The following CADM2 variants were observed in gnomAD, a reference collection of about 807,000 sequenced individuals.
CADM2 encodes the protein immunoglobulin superfamily member 4D.
Under a neutral mutation model 49.8 loss-of-function variants are expected in CADM2, and 12 were observed. That is an observed-to-expected ratio of 0.24 (90% CI 0.15 to 0.39). The LOEUF is 0.39. CADM2 is among the 10% of genes least tolerant of loss of function. The pLI is 1.00. For missense variants in CADM2, 378 were observed against 492.3 expected, an observed-to-expected ratio of 0.77 and a Z score of 2.20; for synonymous variants, 214 against 175.4, an observed-to-expected ratio of 1.22 and a Z score of -1.74.
intron 1 of CADM2, among the ~76,000 whole-genome samples, chr3:85,288,110 A>T (rs779626584): frequency 4.5e-5 from 6 of 133,642 alleles, no homozygotes; most frequent in South Asian, 4.2e-4. Context: ...TAATAAAATT[A>T]AAAAAAAATC....
chr3:86,015,005 T>A, intron 8 of CADM2: 1 of 1,007,670 alleles, frequency 9.9e-7, no homozygotes, highest in Non-Finnish European at 1.6e-6. Flanking sequence ...TGGCTTTGCT[T>A]AACATAAATT....
At chr3:85,402,718 C>G (rs1371192028) in intron 1 of CADM2, among the ~76,000 whole-genome samples, 1 of 152,154 alleles carries the variant, frequency 6.6e-6, no homozygotes, top group Non-Finnish European at 1.5e-5. Flanking sequence ...AATGCACAGT[C>G]TTTGAAGTAA....
In CADM2 at chr3:85,511,938, A is replaced by G. The variant is rs543257477; in HGVS notation, c.62-214584A>G. 7.2e-6 allele frequency: 6 copies of G among 830,886 alleles called. No homozygotes were observed. In the Admixed American group the frequency reaches 2.5e-4, roughly 34 times the overall value. The allele number at this position is 830,886 out of a possible 1,614,324, so 51.5% of individuals were successfully genotyped here. On this transcript the variant is annotated intron_variant, in intron 1 of 9. Transcript: ENST00000383699. ...AGTGGTGAAATTATATCTTATAGCAATGTTCAATATATAAATATATATGTG... is the reference window on the plus strand; with the variant it reads ...AGTGGTGAAATTATATCTTATAGCAGTGTTCAATATATAAATATATATGTG...
intron 9 of CADM2, 122 bp downstream of exon 9, chr3:86,065,852 A>T: frequency 1.1e-6 from 1 of 908,766 alleles, no homozygotes; most frequent in Non-Finnish European, 1.5e-6. Context: ...GATAGAGAGA[A>T]ATGCTAAATT....
intron 5 of CADM2, among the ~76,000 whole-genome samples, chr3:85,886,543 A>G (rs896423515): frequency 6.6e-6 from 1 of 152,114 alleles, no homozygotes; most frequent in African/African-American, 2.4e-5. Context: ...CTTCCGTAAA[A>G]TAGGTTTAAA....
chr3:85,172,880 G>A (rs1468414554), intron 1 of CADM2, among the ~76,000 whole-genome samples: 2 of 144,118 alleles, frequency 1.4e-5, no homozygotes, highest in African/African-American at 2.5e-5. Context: ...TATATATTAT[G>A]TATAATATAT....
At position 85,975,453 on chromosome 3, in the gene CADM2, A is replaced by G. The variant is rs573136867; in HGVS notation, c.970+13806A>G. ...CTTCATTGAAATTTATCTTGTTTGG[A>G]TTTAAATTGAGTCTAAATAATTTAT... is the stretch of plus-strand genomic sequence containing the variant. On this transcript the variant is annotated intron_variant, in intron 8 of 9. Coordinates refer to ENST00000383699, the MANE Select transcript of CADM2 (RefSeq NM_001167675.2). 5.9e-5 allele frequency among the ~76,000 whole-genome samples: 9 copies of G among 151,462 alleles called. No individual in the cohort carries two copies. In the South Asian group the frequency reaches 1.9e-3, roughly 31 times the overall value.
intron 3 of CADM2, among the ~76,000 whole-genome samples, chr3:85,868,654 A>G (rs1188671980): frequency 1.3e-5 from 2 of 152,184 alleles, no homozygotes; most frequent in Non-Finnish European, 2.9e-5. Context: ...TAATGAAAAC[A>G]CAAGTGACTT....
chr3:85,249,532 A>G (rs2042727285), intron 1 of CADM2, among the ~76,000 whole-genome samples: 1 of 152,036 alleles, frequency 6.6e-6, no homozygotes. Context: ...GGTTGAATTA[A>G]TGTTTACATT....
chr3:86,009,376 G>A (rs1577936309), intron 8 of CADM2, among the ~76,000 whole-genome samples: 5 of 151,288 alleles, frequency 3.3e-5, no homozygotes, highest in Admixed American at 3.3e-4. Flanking sequence ...AGAAATTTAA[G>A]GGAGGAAAAT....
At chr3:85,416,079 T>G (rs1364002078) in intron 1 of CADM2, among the ~76,000 whole-genome samples, 1 of 152,140 alleles carries the variant, frequency 6.6e-6, no homozygotes, top group Non-Finnish European at 1.5e-5. Context: ...TGTTAAAAAT[T>G]TAACTTTTCC....
chr3:85,467,010 G>A (rs2038525731), intron 1 of CADM2, among the ~76,000 whole-genome samples: 3 of 152,136 alleles, frequency 2.0e-5, no homozygotes, highest in East Asian at 1.9e-4. Context: ...TAAATTTTAT[G>A]TGGAAAACAG....
At chr3:85,744,141 C>T (rs1210553286) in intron 2 of CADM2, among the ~76,000 whole-genome samples, 1 of 151,996 alleles carries the variant, frequency 6.6e-6, no homozygotes, top group African/African-American at 2.4e-5. Flanking sequence ...AGTGGTAGGG[C>T]AACTGCTACT....
chr3:85,081,919 T>G (rs909872766), intron 1 of CADM2, among the ~76,000 whole-genome samples: 8 of 152,182 alleles, frequency 5.3e-5, no homozygotes, highest in African/African-American at 1.9e-4. Context: ...TGCTAAGTGT[T>G]TGTTATCTTG....
chr3:85,716,096 G>A (rs933875900), intron 1 of CADM2, among the ~76,000 whole-genome samples: 4 of 152,168 alleles, frequency 2.6e-5, no homozygotes, highest in African/African-American at 4.8e-5. Context: ...CTTCCACAAT[G>A]TTTGAACTAA....
intron 1 of CADM2, among the ~76,000 whole-genome samples, chr3:85,313,194 A>T (rs1256889794): frequency 6.6e-6 from 1 of 152,162 alleles, no homozygotes; most frequent in Non-Finnish European, 1.5e-5. Context: ...AGCTTCTAAT[A>T]CTTCTAAAAA....
At chr3:85,088,835 C>T (rs1023574089) in intron 1 of CADM2, among the ~76,000 whole-genome samples, 1 of 152,042 alleles carries the variant, frequency 6.6e-6, no homozygotes, top group Admixed American at 6.6e-5. Context: ...TAATAATTAT[C>T]TCCATTGATA....
At chr3:85,755,535 T>G (rs904827079) in intron 2 of CADM2, among the ~76,000 whole-genome samples, 3 of 152,140 alleles carry the variant, frequency 2.0e-5, no homozygotes, top group Admixed American at 6.6e-5. Context: ...ATTCTTGCAC[T>G]ACTATAAAGA....
At chr3:85,465,578 T>C (rs550959922) in intron 1 of CADM2, among the ~76,000 whole-genome samples, 2 of 152,332 alleles carry the variant, frequency 1.3e-5, no homozygotes, top group African/African-American at 4.8e-5. Context: ...TTAGATATTT[T>C]ATATTTTACC....
Sources: allele counts gnomAD v4.1 joint callset (sites outside exome capture counted in the v4.1 genomes callset), GRCh38; gene constraint gnomAD v4.1.1; transcripts MANE v1.5; gene names NCBI Gene and HGNC (gene_info 2026-07-23, HGNC 2026-07-21).